The following TEK variants were observed in gnomAD, a reference collection of about 807,000 sequenced individuals.
The protein encoded by TEK is TEK receptor tyrosine kinase.
A neutral mutation model predicts 131.8 loss-of-function variants in TEK; 43 were observed. The ratio of observed to expected loss-of-function variants is 0.33; its 90% CI spans 0.26 to 0.42. TEK has a LOEUF of 0.42. TEK is among the 10% of genes least tolerant of loss of function. TEK has a pLI of 1.00. For missense variants in TEK, 1,162 were observed against 1,384.4 expected (o/e 0.84, Z 2.55); for synonymous variants, 580 against 491.6 (o/e 1.18, Z -2.38).
intron 6 of TEK, among the ~76,000 whole-genome samples, chr9:27,174,293 A>T (rs537328734): frequency 2.6e-5 from 4 of 152,298 alleles, no homozygotes; most frequent in African/African-American, 9.6e-5. Context: ...ATCCGGCACT[A>T]AAGGTAGCTA....
rs1478518860 is a variant in TEK, at chr9:27,149,778, C to T, written c.53-8053C>T. 3.3e-5 allele frequency among the ~76,000 whole-genome samples: 5 copies of T among 152,026 alleles called. No homozygotes were observed. In the South Asian group the frequency reaches 8.3e-4, roughly 25 times the overall value. Reference sequence around the variant, plus strand: ...GCTTGGTTGTGGGTGTGGGTATGTACGTCTTTGAGCAGCATAAGGGTAGTT... The same window carrying T: ...GCTTGGTTGTGGGTGTGGGTATGTATGTCTTTGAGCAGCATAAGGGTAGTT... On this transcript the variant is annotated intron_variant, in intron 1 of 22. Transcript: ENST00000380036.
intron 6 of TEK, among the ~76,000 whole-genome samples, chr9:27,175,530 A>G (rs914406173): frequency 1.3e-5 from 2 of 152,146 alleles, no homozygotes; most frequent in African/African-American, 4.8e-5. Flanking sequence ...GTAAAATGGT[A>G]TTTCTAGTTC....
At chr9:27,144,413 G>A (rs1042906998) in intron 1 of TEK, among the ~76,000 whole-genome samples, 3 of 152,246 alleles carry the variant, frequency 2.0e-5, no homozygotes, top group Non-Finnish European at 4.4e-5. Flanking sequence ...GGGACTGGTA[G>A]GGGCCCATGG....
At chr9:27,161,955 C>T (rs146361762) in intron 2 of TEK, among the ~76,000 whole-genome samples, 61 of 152,144 alleles carry the variant, frequency 4.0e-4, no homozygotes, top group African/African-American at 8.4e-4. Flanking sequence ...GATAATTTTC[C>T]GACTCAATTG....
Position 27,206,800 on chromosome 9 carries a change from G to C in TEK, c.2575+8G>C. The C allele has an allele frequency of 3.1e-6, 5 of 1,613,294 alleles. No homozygotes were observed. Among genetic ancestry groups the C allele is most frequent in the Non-Finnish European group, 4.2e-6 (5 of 1,179,748 alleles). ...CCATCAAAAGAATGAAAGGTCAGTG[G>C]TTGACCAGATAGAGTCAGCATTGCG... On this transcript the variant is annotated splice_region_variant and intron_variant, in intron 15 of 22. Transcript: ENST00000380036.
At chr9:27,152,345 C>T (rs664513) in intron 1 of TEK, among the ~76,000 whole-genome samples, 39,430 of 151,212 alleles carry the variant, frequency 0.26, 5,417 homozygotes, top group South Asian at 0.52. Context: ...GCCAACACTT[C>T]GAAGATCAGG....
At chr9:27,135,782 T>C (rs947211545) in intron 1 of TEK, among the ~76,000 whole-genome samples, 1 of 146,322 alleles carries the variant, frequency 6.8e-6, no homozygotes, top group Non-Finnish European at 1.5e-5. Context: ...CAGACCTTAA[T>C]CTGATCTGAG....
chr9:27,218,560 T>A (rs1825918419), intron 19 of TEK, among the ~76,000 whole-genome samples: 1 of 152,148 alleles, frequency 6.6e-6, no homozygotes, highest in African/African-American at 2.4e-5. Context: ...TAAAGTGATT[T>A]GGGGGCTCTG....
intron 1 of TEK, among the ~76,000 whole-genome samples, chr9:27,110,347 A>G (rs1486534396): frequency 6.6e-6 from 1 of 152,204 alleles, no homozygotes; most frequent in Non-Finnish European, 1.5e-5. Flanking sequence ...AGCCTGTTGT[A>G]GAGTGAAGGA....
At chr9:27,145,372 A>G (rs1372015523) in intron 1 of TEK, among the ~76,000 whole-genome samples, 1 of 152,230 alleles carries the variant, frequency 6.6e-6, no homozygotes, top group Non-Finnish European at 1.5e-5. Context: ...GTAAGCACAC[A>G]GCAGGACACA....
At chr9:27,157,216 A>G (rs551278729) in intron 1 of TEK, among the ~76,000 whole-genome samples, 2 of 152,312 alleles carry the variant, frequency 1.3e-5, no homozygotes, top group East Asian at 1.9e-4. Flanking sequence ...TATGCAATAT[A>G]TAACAGACAG....
At chr9:27,184,180 C>T (rs1422707182) in intron 8 of TEK, among the ~76,000 whole-genome samples, 2 of 152,058 alleles carry the variant, frequency 1.3e-5, no homozygotes, top group Non-Finnish European at 2.9e-5. Flanking sequence ...GGGTTTCTAC[C>T]CACCTCTTCC....
chr9:27,131,621 G>GTA (rs1822227530), intron 1 of TEK, among the ~76,000 whole-genome samples: 1 of 150,720 alleles, frequency 6.6e-6, no homozygotes, highest in Non-Finnish European at 1.5e-5. Flanking sequence ...ACCAGCCTGG[G>GTA]TAACATAAGG....
intron 1 of TEK, among the ~76,000 whole-genome samples, chr9:27,152,961 TAAG>T (rs1028699324): frequency 6.6e-6 from 1 of 152,162 alleles, no homozygotes; most frequent in African/African-American, 2.4e-5. Flanking sequence ...TTCACCATAA[TAAG>T]ATTTAGTGAG....
chr9:27,219,975 ATTTAGAAACCCTGGACAGGAAGC>A, intron 20 of TEK, 51 bp from the exon 21 acceptor site: 1 of 1,507,554 alleles, frequency 6.6e-7, no homozygotes, highest in Non-Finnish European at 9.2e-7. Context: ...GGCCCCTTAT[ATTTAGAAACCCTGGACAGGAAGC>A]ATTGCTTTTC....
chr9:27,122,484 T>C (rs913262063), intron 1 of TEK, among the ~76,000 whole-genome samples: 3 of 152,152 alleles, frequency 2.0e-5, no homozygotes, highest in Non-Finnish European at 2.9e-5. Flanking sequence ...AATGGGTTCA[T>C]TGAAGAAGGT....
At chr9:27,222,689 C>T (rs1826134282) in intron 21 of TEK, among the ~76,000 whole-genome samples, 2 of 152,148 alleles carry the variant, frequency 1.3e-5, no homozygotes, top group Non-Finnish European at 2.9e-5. Flanking sequence ...ACCAGGCATA[C>T]CTTACAAGAG....
chr9:27,191,030 T>C (rs1824799589), intron 10 of TEK, among the ~76,000 whole-genome samples: 2 of 152,204 alleles, frequency 1.3e-5, no homozygotes, highest in Non-Finnish European at 2.9e-5. Flanking sequence ...ATGAATATGG[T>C]AGCAGGAAAG....
At chr9:27,227,497 A>C (rs1367247425) in intron 21 of TEK, among the ~76,000 whole-genome samples, 1 of 152,210 alleles carries the variant, frequency 6.6e-6, no homozygotes, top group Non-Finnish European at 1.5e-5. Flanking sequence ...TGTATTTCTC[A>C]CAGTTCTGAA....
Sources: gnomAD v4.1 joint callset for allele counts (sites outside exome capture counted in the v4.1 genomes callset) on GRCh38, gnomAD v4.1.1 for gene constraint, MANE v1.5 for transcripts, NCBI Gene and HGNC (gene_info 2026-07-23, HGNC 2026-07-21) for gene names.